The following ERBB4 variants were observed in gnomAD, a reference collection of about 807,000 sequenced individuals.
ERBB4 encodes the protein erb-b2 receptor tyrosine kinase 4, also known as receptor tyrosine-protein kinase erbB-4.
Under a neutral mutation model 158.0 loss-of-function variants are expected in ERBB4, and 42 were observed. The ratio of observed to expected loss-of-function variants is 0.27; its 90% confidence interval spans 0.21 to 0.34. The LOEUF (loss-of-function observed/expected upper bound fraction) is 0.34. Ranked by LOEUF, ERBB4 falls within the 10% of genes least tolerant of loss-of-function variation. The pLI, the probability that ERBB4 is intolerant of heterozygous loss-of-function variation, is 1.00. For missense variants in ERBB4, 1,333 were observed against 1,624.1 expected (o/e 0.82, Z 3.08); for synonymous variants, 583 against 558.7 (o/e 1.04, Z -0.61).
intron 2 of ERBB4, among the ~76,000 whole-genome samples, chr2:211,977,539 A>AAAAAAAAAAAAT: frequency 6.8e-6 from 1 of 147,558 alleles, no homozygotes; most frequent in Non-Finnish European, 1.5e-5. Context: ...TTTAAAAAAA[A>AAAAAAAAAAAAT]AAAAAAAAAG....
intron 25 of ERBB4, among the ~76,000 whole-genome samples, chr2:211,419,935 C>T (rs1410625826): frequency 1.3e-5 from 2 of 151,970 alleles, no homozygotes; most frequent in East Asian, 1.9e-4. Context: ...GCAGCCTTTT[C>T]GATGTGATTA....
chr2:212,171,491 G>GAAGGGGC (rs1432027741), intron 1 of ERBB4, among the ~76,000 whole-genome samples: 1 of 152,014 alleles, frequency 6.6e-6, no homozygotes, highest in African/African-American at 2.4e-5. Context: ...GAAATATTTG[G>GAAGGGGC]AAGGGGCAAG....
intron 1 of ERBB4, among the ~76,000 whole-genome samples, chr2:212,304,416 A>C (rs2086732542): frequency 6.6e-6 from 1 of 151,530 alleles, no homozygotes. Flanking sequence ...GCATGAGAAC[A>C]CGTTTGGCCT....
chr2:212,293,451 GAC>G (rs1335896147), intron 1 of ERBB4, among the ~76,000 whole-genome samples: 1 of 151,938 alleles, frequency 6.6e-6, no homozygotes, highest in African/African-American at 2.4e-5. Context: ...TCATTAAACT[GAC>G]ACAGACAACA....
chr2:211,388,018 T>A, intron 25 of ERBB4, 26 bp from the exon 26 acceptor site: 2 of 1,533,644 alleles, frequency 1.3e-6, no homozygotes, highest in South Asian at 1.1e-5. Context: ...AATGGAATGA[T>A]GGATATAATA....
intron 3 of ERBB4, among the ~76,000 whole-genome samples, chr2:211,864,868 G>A (rs1216862797): frequency 6.6e-6 from 1 of 152,068 alleles, no homozygotes; most frequent in Non-Finnish European, 1.5e-5. Flanking sequence ...AAAATTAGCT[G>A]AGCGTGGTGG....
At position 212,473,827 on chromosome 2, in the gene ERBB4, T is replaced by C. The variant is rs186251489; in HGVS notation, c.82+64622A>G. Reference sequence around the variant, plus strand: ...ATGAGTTTATGGTAAAGTTTTGAATTAACCAAATAGCATCCATCAAAATCT... The same window carrying C: ...ATGAGTTTATGGTAAAGTTTTGAATCAACCAAATAGCATCCATCAAAATCT... On this transcript the variant is annotated intron_variant, in intron 1 of 27. Coordinates refer to ENST00000342788, the MANE Select transcript of ERBB4 (RefSeq NM_005235.3). 1.7e-3 allele frequency among the ~76,000 whole-genome samples: 252 copies of C among 152,220 alleles called. 4 individuals carry two copies. The highest frequency in any genetic ancestry group is 7.3e-3 in the Middle Eastern group (2 of 274).
At chr2:212,373,921 AT>A (rs2090201450) in intron 1 of ERBB4, among the ~76,000 whole-genome samples, 1 of 75,366 alleles carries the variant, frequency 1.3e-5, no homozygotes, top group Non-Finnish European at 2.5e-5. Context: ...ATATCCATAT[AT>A]ATATATCCAT....
At chr2:211,564,006 A>G (rs771809649) in intron 19 of ERBB4, among the ~76,000 whole-genome samples, 1 of 152,192 alleles carries the variant, frequency 6.6e-6, no homozygotes, top group Non-Finnish European at 1.5e-5. Flanking sequence ...GTTTCCATTT[A>G]ACATGGTATG....
At chr2:211,526,856 T>G (rs544440795) in intron 20 of ERBB4, among the ~76,000 whole-genome samples, 37 of 152,002 alleles carry the variant, frequency 2.4e-4, no homozygotes, top group Admixed American at 5.2e-4. Context: ...GAAAAAAGAA[T>G]TAGTGAGCTT....
intron 2 of ERBB4, among the ~76,000 whole-genome samples, chr2:211,987,107 G>A (rs2081957369): frequency 2.0e-5 from 3 of 151,942 alleles, no homozygotes; most frequent in Non-Finnish European, 2.9e-5. Context: ...GATCACCTGA[G>A]GTCAGAAGTT....
intron 20 of ERBB4, among the ~76,000 whole-genome samples, chr2:211,508,728 T>C (rs1484899783): frequency 1.3e-5 from 2 of 152,136 alleles, no homozygotes. Flanking sequence ...TATTACTATT[T>C]ACAATTGCAA....
chr2:212,468,489 C>T (rs1688954912), intron 1 of ERBB4, among the ~76,000 whole-genome samples: 1 of 152,176 alleles, frequency 6.6e-6, no homozygotes, highest in Non-Finnish European at 1.5e-5. Context: ...CTCTCTTAGC[C>T]TGCCGCCATC....
At chr2:212,530,678 G>GA in intron 1 of ERBB4, among the ~76,000 whole-genome samples, 1 of 152,112 alleles carries the variant, frequency 6.6e-6, no homozygotes. Context: ...GCAGAGGAGA[G>GA]AAAACAAGCA....
At chr2:212,053,005 T>C (rs968726958) in intron 2 of ERBB4, among the ~76,000 whole-genome samples, 1 of 152,130 alleles carries the variant, frequency 6.6e-6, no homozygotes, top group African/African-American at 2.4e-5. Context: ...GGGGTTTCCA[T>C]AACAACTATA....
intron 1 of ERBB4, among the ~76,000 whole-genome samples, chr2:212,143,526 C>T (rs558265004): frequency 1.5e-4 from 23 of 151,986 alleles, no homozygotes; most frequent in Admixed American, 5.2e-4. Context: ...GAATTAGCAA[C>T]GAGGTGATAG....
intron 1 of ERBB4, among the ~76,000 whole-genome samples, chr2:212,126,034 T>C (rs2079914366): frequency 6.6e-6 from 1 of 152,224 alleles, no homozygotes; most frequent in South Asian, 2.1e-4. Flanking sequence ...AAAATACAAC[T>C]TTTATTGTTA....
At chr2:211,605,246 C>T (rs1387524857) in intron 19 of ERBB4, among the ~76,000 whole-genome samples, 1 of 152,042 alleles carries the variant, frequency 6.6e-6, no homozygotes, top group Admixed American at 6.5e-5. Context: ...GGTGCCTAAG[C>T]CCTGTAATGA....
chr2:211,513,112 T>C (rs1207602203), intron 20 of ERBB4, among the ~76,000 whole-genome samples: 1 of 151,904 alleles, frequency 6.6e-6, no homozygotes, highest in East Asian at 1.9e-4. Context: ...GCTTTATGTA[T>C]TTGTTCCCTC....
Sources: allele counts gnomAD v4.1 joint callset (sites outside exome capture counted in the v4.1 genomes callset), GRCh38; gene constraint gnomAD v4.1.1; transcripts MANE v1.5; gene names NCBI Gene and HGNC (gene_info 2026-07-23, HGNC 2026-07-21).